The following ZNRF1 variants were observed in gnomAD, a reference collection of about 807,000 sequenced individuals.
The protein encoded by ZNRF1 is zinc and ring finger 1.
Under a neutral mutation model 18.4 loss-of-function variants are expected in ZNRF1, and 3 were observed. The ratio of observed to expected loss-of-function variants is 0.16; its 90% CI spans 0.07 to 0.42. The LOEUF (loss-of-function observed/expected upper bound fraction) is 0.42. Among genes scored for constraint, ZNRF1 ranks in the 10% least tolerant of loss-of-function variants. The pLI, the probability that ZNRF1 is intolerant of heterozygous loss-of-function variation, is 0.99. For missense variants in ZNRF1, 310 were observed against 329.8 expected, an observed-to-expected ratio of 0.94 and a Z score of 0.47; for synonymous variants, 157 against 144.2, an observed-to-expected ratio of 1.09 and a Z score of -0.64.
intron 1 of ZNRF1, among the ~76,000 whole-genome samples, chr16:75,026,102 G>A (rs372067627): frequency 9.9e-5 from 15 of 152,180 alleles, no homozygotes; most frequent in East Asian, 5.8e-4. Context: ...TGACAGGTCA[G>A]CAGGGGCCTG....
chr16:75,073,979 A>T (rs931426498), intron 1 of ZNRF1, among the ~76,000 whole-genome samples: 1 of 152,046 alleles, frequency 6.6e-6, no homozygotes, highest in African/African-American at 2.4e-5. Context: ...AAAATACCCT[A>T]ACTTTCAGCC....
At chr16:75,035,384 A>T (rs559913532) in intron 1 of ZNRF1, among the ~76,000 whole-genome samples, 2 of 152,214 alleles carry the variant, frequency 1.3e-5, no homozygotes, top group Non-Finnish European at 2.9e-5. Context: ...CTCTTTTTTG[A>T]GACATCTTAC....
At chr16:75,011,798 C>T (rs1567465149) in intron 1 of ZNRF1, among the ~76,000 whole-genome samples, 1 of 152,168 alleles carries the variant, frequency 6.6e-6, no homozygotes, top group Non-Finnish European at 1.5e-5. Context: ...CTTGCTTCCT[C>T]AACCCAGAGG....
Position 75,108,828 on chromosome 16 carries a change from C to T in ZNRF1, c.*1128C>T. Reference sequence around the variant, plus strand: ...TTCCTTCAGGCTGCTACTCGGGGCTCCAGGTGTGTGAATTGGTCCTCAGAT... The same window carrying T: ...TTCCTTCAGGCTGCTACTCGGGGCTTCAGGTGTGTGAATTGGTCCTCAGAT... On this transcript the variant is annotated 3_prime_UTR_variant, in exon 5 of 5. Transcript: ENST00000335325. 1 of 340,152 alleles carries T rather than the reference C, an allele frequency of 2.9e-6. No homozygotes were observed. The highest frequency in any genetic ancestry group is 5.2e-6 in the Non-Finnish European group (1 of 191,506). 21.1% of individuals were successfully genotyped at this position (340,152 alleles called of 1,614,324 possible).
At chr16:75,056,776 G>T (rs1286401575) in intron 1 of ZNRF1, among the ~76,000 whole-genome samples, 1 of 152,072 alleles carries the variant, frequency 6.6e-6, no homozygotes, top group Non-Finnish European at 1.5e-5. Flanking sequence ...ACAGGTGTGT[G>T]CCACCATGCT....
Position 75,100,220 on chromosome 16 carries a change from C to A in ZNRF1, c.521-4564C>A, listed in dbSNP as rs547673665. ...CACATTTTAGTTCTTCCCACCAGTG[C>A]AGCAGACTCAGGCCAGCTGGTAAAG... On this transcript the variant is annotated intron_variant, in intron 2 of 4. Coordinates refer to ENST00000335325, the MANE Select transcript of ZNRF1 (RefSeq NM_032268.5). Among the ~76,000 whole-genome samples the A allele has an allele frequency of 3.6e-4, 55 of 152,340 alleles. 1 individual carries two copies. In the South Asian group the frequency reaches 7.2e-3, roughly 20 times the overall value.
chr16:75,044,358 A>G (rs893011934), intron 1 of ZNRF1, among the ~76,000 whole-genome samples: 2 of 151,374 alleles, frequency 1.3e-5, no homozygotes, highest in Admixed American at 6.6e-5. Flanking sequence ...AGCTAGGACT[A>G]TAGGCATACA....
In ZNRF1 at chr16:75,110,459, A is replaced by C. The variant is rs1246535663; in HGVS notation, c.*2759A>C. ...AAGACCAACCATTCCTCTAATAGCCATTTAACGGTACTGCAGTTCATGGGA... is the reference window on the plus strand; with the variant it reads ...AAGACCAACCATTCCTCTAATAGCCCTTTAACGGTACTGCAGTTCATGGGA... On this transcript the variant is annotated 3_prime_UTR_variant, in exon 5 of 5. Transcript: ENST00000335325. 1 of 152,244 alleles carries C rather than the reference A, an allele frequency of 6.6e-6. No individual in the cohort carries two copies. Among genetic ancestry groups the C allele is most frequent in the Non-Finnish European group, 1.5e-5 (1 of 68,056 alleles). 9.4% of individuals were successfully genotyped at this position (152,244 alleles called of 1,614,324 possible).
intron 1 of ZNRF1, among the ~76,000 whole-genome samples, chr16:75,042,182 A>G (rs932265297): frequency 3.9e-5 from 6 of 152,148 alleles, no homozygotes; most frequent in Admixed American, 1.3e-4. Flanking sequence ...TTTTCTCCCA[A>G]TGTGTGGCCT....
At chr16:75,060,909 A>T (rs1024112616) in intron 1 of ZNRF1, among the ~76,000 whole-genome samples, 2 of 152,126 alleles carry the variant, frequency 1.3e-5, no homozygotes, top group African/African-American at 4.8e-5. Flanking sequence ...GGCTAAGAAA[A>T]TAGGGAAGGA....
chr16:75,000,750 G>C (rs1483609980), intron 1 of ZNRF1, among the ~76,000 whole-genome samples: 1 of 152,212 alleles, frequency 6.6e-6, no homozygotes, highest in African/African-American at 2.4e-5. Context: ...ACTGCATGCA[G>C]CAGGCTTGGC....
chr16:75,091,394 A>T (rs2036138013), intron 1 of ZNRF1, among the ~76,000 whole-genome samples: 1 of 151,666 alleles, frequency 6.6e-6, no homozygotes, highest in Non-Finnish European at 1.5e-5. Flanking sequence ...AATATTGCAG[A>T]TGGTTATCAC....
At chr16:75,033,175 C>T (rs567191461) in intron 1 of ZNRF1, among the ~76,000 whole-genome samples, 2 of 140,892 alleles carry the variant, frequency 1.4e-5, no homozygotes, top group South Asian at 4.5e-4. Flanking sequence ...TATTTGATTT[C>T]TTTATTCTTT....
At chr16:75,089,795 T>A in intron 1 of ZNRF1, among the ~76,000 whole-genome samples, 1 of 152,098 alleles carries the variant, frequency 6.6e-6, no homozygotes, top group South Asian at 2.1e-4. Context: ...CTTGTAGACC[T>A]TCTTGTTGGG....
intron 1 of ZNRF1, among the ~76,000 whole-genome samples, chr16:75,086,881 C>T (rs1458634329): frequency 6.6e-6 from 1 of 151,976 alleles, no homozygotes; most frequent in Admixed American, 6.6e-5. Flanking sequence ...ATTCTTCTAC[C>T]TTTAGGTGAT....
At chr16:75,000,199 T>C in intron 1 of ZNRF1, 104 bp downstream of exon 1, 1 of 1,455,266 alleles carries the variant, frequency 6.9e-7, no homozygotes, top group Non-Finnish European at 9.4e-7. Context: ...GACCGGGATC[T>C]GTCTGCATTC....
At chr16:75,076,400 C>T (rs1205170370) in intron 1 of ZNRF1, among the ~76,000 whole-genome samples, 1 of 152,114 alleles carries the variant, frequency 6.6e-6, no homozygotes, top group Non-Finnish European at 1.5e-5. Flanking sequence ...ATTCGCTAGA[C>T]AGCCACTTCG....
rs537850878 is a variant in ZNRF1 at position 75,005,025 on chromosome 16, A to G, written c.424+4930A>G. ...ATTTAATTTTCTTTTATTGTTAGCT[A>G]ATGGGGGAGAATTGCCAGCTCCCTT... On this transcript the variant is annotated intron_variant, in intron 1 of 4. Transcript: ENST00000335325. Among the ~76,000 whole-genome samples, 3 of 152,250 alleles carry G rather than the reference A, an allele frequency of 2.0e-5. No individual in the cohort carries two copies. The South Asian group carries it at 6.2e-4, about 32-fold the overall frequency.
At chr16:75,029,165 G>C (rs1597867155) in intron 1 of ZNRF1, among the ~76,000 whole-genome samples, 1 of 123,490 alleles carries the variant, frequency 8.1e-6, no homozygotes, top group African/African-American at 3.3e-5. Flanking sequence ...TTTTATTTTT[G>C]AGACGGAGTC....
Sources: allele counts gnomAD v4.1 joint callset (sites outside exome capture counted in the v4.1 genomes callset), GRCh38; gene constraint gnomAD v4.1.1; transcripts MANE v1.5; gene names NCBI Gene and HGNC (gene_info 2026-07-23, HGNC 2026-07-21).